The following EDARADD variants were observed in gnomAD, a reference collection of about 807,000 sequenced individuals.
EDARADD encodes EDAR associated via death domain.
EDARADD carries 20 observed loss-of-function variants against 25.6 expected under a neutral mutation model. The observed-to-expected ratio is 0.78, with a 90% CI of 0.55 to 1.14. EDARADD has a LOEUF of 1.14. EDARADD is among the 50% of genes most tolerant of loss of function. The pLI, the probability that EDARADD is intolerant of heterozygous loss-of-function variation, is 0.00. For missense variants in EDARADD, 225 were observed against 270.1 expected, an observed-to-expected ratio of 0.83 and a Z score of 1.17; for synonymous variants, 86 against 94.4, an observed-to-expected ratio of 0.91 and a Z score of 0.52.
chr1:236,367,266 G>A (rs966596415), intron 3 of EDARADD, among the ~76,000 whole-genome samples: 1 of 151,776 alleles, frequency 6.6e-6, no homozygotes, highest in Middle Eastern at 3.2e-3. Context: ...GTCTCGCTCT[G>A]TCACCCAGGC....
intron 3 of EDARADD, among the ~76,000 whole-genome samples, chr1:236,367,138 T>C (rs1667120040): frequency 7.6e-6 from 1 of 131,538 alleles, no homozygotes; most frequent in South Asian, 2.3e-4. Flanking sequence ...TTCACAGATC[T>C]TCCCTGTTTT....
chr1:236,415,846 G>A (rs1041611334), intron 3 of EDARADD, among the ~76,000 whole-genome samples: 2 of 152,168 alleles, frequency 1.3e-5, no homozygotes, highest in Non-Finnish European at 2.9e-5. Context: ...GGGATGGGGT[G>A]GAGTTGGGGA....
chr1:236,462,024 G>A (rs1659051170), intron 4 of EDARADD, among the ~76,000 whole-genome samples: 1 of 152,144 alleles, frequency 6.6e-6, no homozygotes, highest in Admixed American at 6.6e-5. Context: ...CTACAAAATA[G>A]ACAGGGTTTC....
intron 3 of EDARADD, among the ~76,000 whole-genome samples, chr1:236,362,999 AAAAAAAAATATATAT>A (rs1489267655): frequency 1.0e-5 from 1 of 96,852 alleles, no homozygotes; most frequent in African/African-American, 4.2e-5. Flanking sequence ...AAAAAAAAAA[AAAAAAAAATATATAT>A]ATATATATAT....
At chr1:236,391,638 A>G (rs681808), upstream of EDARADD, among the ~76,000 whole-genome samples, 152,233 of 152,332 alleles carry the variant, frequency 1, 76,067 homozygotes, top group Middle Eastern at 1. Flanking sequence ...GAAGTAAGAC[A>G]CATGTGGTTC....
intron 3 of EDARADD, among the ~76,000 whole-genome samples, chr1:236,417,254 C>T (rs1405744733): frequency 2.6e-5 from 4 of 152,196 alleles, no homozygotes; most frequent in Non-Finnish European, 5.9e-5. Context: ...AGGACGCCAA[C>T]GTTTAAGTGA....
chr1:236,384,708 T>A (rs1439673009), intron 3 of EDARADD, among the ~76,000 whole-genome samples: 5 of 152,174 alleles, frequency 3.3e-5, no homozygotes, highest in African/African-American at 1.2e-4. Flanking sequence ...TATTATTATT[T>A]TTTGTAGAGA....
At chr1:236,411,843 G>A (rs1657493113) in intron 2 of EDARADD, among the ~76,000 whole-genome samples, 1 of 152,146 alleles carries the variant, frequency 6.6e-6, no homozygotes, top group East Asian at 1.9e-4. Context: ...GAGCCACCAT[G>A]CCTGGCCCTC....
intron 4 of EDARADD, among the ~76,000 whole-genome samples, chr1:236,454,252 G>GCC (rs1234931493): frequency 2.0e-5 from 3 of 151,924 alleles, no homozygotes; most frequent in Non-Finnish European, 4.4e-5. Context: ...GTTTCACCCT[G>GCC]TTAGCCAAGA....
At chr1:236,427,488 A>T in intron 4 of EDARADD, 38 bp downstream of exon 4, 1 of 1,565,680 alleles carries the variant, frequency 6.4e-7, no homozygotes, top group Non-Finnish European at 8.7e-7. Context: ...CCTTAGGTAC[A>T]TGATAATCCA....
At chr1:236,440,663 TTG>T (rs563317305) in intron 4 of EDARADD, among the ~76,000 whole-genome samples, 84 of 152,314 alleles carry the variant, frequency 5.5e-4, no homozygotes, top group African/African-American at 2.0e-3. Flanking sequence ...TGTGTTCACT[TTG>T]TGTCTCTGTG....
chr1:236,476,736 G>C (rs1248255169), intron 5 of EDARADD, among the ~76,000 whole-genome samples: 1 of 152,168 alleles, frequency 6.6e-6, no homozygotes, highest in Non-Finnish European at 1.5e-5. Flanking sequence ...TGTTGGTCAG[G>C]CTGGTCTTGA....
intron 4 of EDARADD, among the ~76,000 whole-genome samples, chr1:236,433,321 G>T (rs562970920): frequency 5.3e-5 from 8 of 151,806 alleles, no homozygotes; most frequent in African/African-American, 1.7e-4. Flanking sequence ...CTTTGGGGGG[G>T]GCCGAGGCAG....
At chr1:236,375,354 A>C (rs1667213856) in intron 3 of EDARADD, among the ~76,000 whole-genome samples, 1 of 152,144 alleles carries the variant, frequency 6.6e-6, no homozygotes, top group Non-Finnish European at 1.5e-5. Flanking sequence ...TAGTTAAATT[A>C]ACAATAAGAA....
intron 2 of EDARADD, among the ~76,000 whole-genome samples, chr1:236,413,437 A>G (rs1657553712): frequency 6.6e-6 from 1 of 152,190 alleles, no homozygotes; most frequent in Non-Finnish European, 1.5e-5. Context: ...TCTTGGAGGA[A>G]GACATGGGTG....
At chr1:236,427,359 GTTTCTTTC>G in intron 3 of EDARADD, 25 bp from the exon 4 acceptor site, 1 of 1,592,360 alleles carries the variant, frequency 6.3e-7, no homozygotes. Context: ...ATCACACTTT[GTTTCTTTC>G]TTTCTTTCTT....
chr1:236,399,389 G>A lies in EDARADD; in HGVS notation c.61+4884G>A, dbSNP rs1667576673. Among the ~76,000 whole-genome samples, 6 of 152,174 alleles carry A rather than the reference G, an allele frequency of 3.9e-5. No individual in the cohort carries two copies. The South Asian group carries it at 1.2e-3, about 32-fold the overall frequency. On this transcript the variant is annotated intron_variant, in intron 1 of 5. Transcript: ENST00000334232. ...TTTAGTAGAGACGGGGTTTCACCATGTTGGCCAGGCTGGCCTGGAACCACT... is the reference window on the plus strand; with the variant it reads ...TTTAGTAGAGACGGGGTTTCACCATATTGGCCAGGCTGGCCTGGAACCACT...
intron 4 of EDARADD, among the ~76,000 whole-genome samples, chr1:236,440,737 C>A (rs932640562): frequency 2.6e-5 from 4 of 152,184 alleles, no homozygotes; most frequent in African/African-American, 9.6e-5. Context: ...GACTCGTGAT[C>A]TTGATGTTAC....
intron 1 of EDARADD, among the ~76,000 whole-genome samples, chr1:236,348,494 C>T (rs1261171173): frequency 6.6e-6 from 1 of 152,254 alleles, no homozygotes; most frequent in Non-Finnish European, 1.5e-5. Flanking sequence ...CCTGGGTCCT[C>T]CCACATCCCC....
Sources: allele counts gnomAD v4.1 joint callset (sites outside exome capture counted in the v4.1 genomes callset), GRCh38; gene constraint gnomAD v4.1.1; transcripts MANE v1.5; gene names NCBI Gene and HGNC (gene_info 2026-07-23, HGNC 2026-07-21).